Variants in OLFM3 observed in about 807,000 individuals in gnomAD.
OLFM3 encodes the protein noelin-3.
OLFM3 carries 20 observed loss-of-function variants against 48.6 expected under a neutral mutation model. That is an observed-to-expected ratio of 0.41 (90% CI 0.29 to 0.60). The LOEUF (loss-of-function observed/expected upper bound fraction) is 0.60. Among genes scored for constraint, OLFM3 ranks in the 20% least tolerant of loss-of-function variants. The probability of loss-of-function intolerance (pLI) is 0.28; values close to 1 mark genes in which losing one functional copy is unlikely to be tolerated. For missense variants in OLFM3, 437 were observed against 544.3 expected (o/e 0.80, Z 1.96); for synonymous variants, 222 against 198.1 (o/e 1.12, Z -1.01).
rs763815135 is a variant in OLFM3, at chr1:101,804,475, G to T, written c.1140C>A (p.Ile380=). 10 of 1,612,604 alleles carry T rather than the reference G, an allele frequency of 6.2e-6. No individual in the cohort carries two copies. The East Asian group carries it at 6.7e-5, about 11-fold the overall frequency. The part of the protein sequence containing the change: ...PKRSAGESFM[I]CGTLYVTNSH... ...AGTTGGTGACATACAGTGTCCCACA[G>T]ATCATGAAAGATTCCCCTGCACTTC... The change falls in exon 6 of 6, where the codon ATC becomes ATA. Residue 380 remains isoleucine, a synonymous_variant. Transcript: ENST00000370103. This position sits in a 1 kb window ranked among gnomAD's most constrained non-coding sequence, Gnocchi z 4.5.
intron 1 of OLFM3, among the ~76,000 whole-genome samples, chr1:101,947,540 G>A (rs1356235799): frequency 6.6e-6 from 1 of 152,114 alleles, no homozygotes; most frequent in Admixed American, 6.6e-5. Context: ...AGGCTGAGGA[G>A]GGAGGATTGG....
intron 1 of OLFM3, among the ~76,000 whole-genome samples, chr1:101,912,526 C>T (rs1480417681): frequency 1.3e-5 from 2 of 152,086 alleles, no homozygotes; most frequent in African/African-American, 2.4e-5. Context: ...CCAAAAGTCA[C>T]GCAATTTTTT....
At chr1:101,923,248 G>A (rs529365968) in intron 1 of OLFM3, among the ~76,000 whole-genome samples, 11 of 152,212 alleles carry the variant, frequency 7.2e-5, no homozygotes, top group Middle Eastern at 3.4e-3. Context: ...TATTCCTTCC[G>A]GTGTGACTAT....
At chr1:101,842,267 C>G (rs900764249) in intron 1 of OLFM3, among the ~76,000 whole-genome samples, 1 of 152,098 alleles carries the variant, frequency 6.6e-6, no homozygotes, top group Non-Finnish European at 1.5e-5. Flanking sequence ...GGTGCAGTGG[C>G]TCAGGTCTAT....
chr1:101,816,654 G>A (rs1484563177), intron 4 of OLFM3, among the ~76,000 whole-genome samples: 2 of 152,136 alleles, frequency 1.3e-5, no homozygotes, highest in Non-Finnish European at 2.9e-5. Flanking sequence ...ATTCTCTGGA[G>A]TGGAATTTCC....
At position 101,939,327 on chromosome 1, in the gene OLFM3, AG is replaced by A. The variant is rs746138988; in HGVS notation, c.69+57420del. On this transcript the variant is annotated intron_variant, in intron 1 of 5. Coordinates refer to ENST00000370103, the MANE Select transcript of OLFM3 (RefSeq NM_058170.4). Reference sequence around the variant, plus strand: ...TAAATGGCTAAACATAATTTATATCAGAATGGTATTTTGAAAGTGGCTTTTT... The same window carrying A: ...TAAATGGCTAAACATAATTTATATCAAATGGTATTTTGAAAGTGGCTTTTT... 3.3e-5 allele frequency among the ~76,000 whole-genome samples: 5 copies of A among 152,332 alleles called. 1 individual carries two copies. The Middle Eastern group carries it at 0.01, about 311-fold the overall frequency.
intron 1 of OLFM3, among the ~76,000 whole-genome samples, chr1:101,961,020 C>A (rs1026817687): frequency 2.0e-5 from 3 of 152,044 alleles, no homozygotes; most frequent in African/African-American, 7.2e-5. Flanking sequence ...GATTTAGAGA[C>A]TATGATGAGA....
chr1:101,994,852 C>A (rs1236906834), intron 1 of OLFM3, among the ~76,000 whole-genome samples: 2 of 151,846 alleles, frequency 1.3e-5, no homozygotes, highest in Non-Finnish European at 2.9e-5. Context: ...GTATGCCTTC[C>A]CTGGATTTTT....
chr1:101,967,824 T>C (rs550030482), intron 1 of OLFM3, among the ~76,000 whole-genome samples: 1 of 152,232 alleles, frequency 6.6e-6, no homozygotes, highest in East Asian at 1.9e-4. Context: ...TAACTTTTTT[T>C]CCTTTAGAGG....
At chr1:101,928,836 A>G (rs1659356930) in intron 1 of OLFM3, among the ~76,000 whole-genome samples, 1 of 152,114 alleles carries the variant, frequency 6.6e-6, no homozygotes, top group South Asian at 2.1e-4. Context: ...GAGATATTAA[A>G]TGTACTCAAA....
chr1:101,911,326 A>G (rs1478114515), intron 1 of OLFM3, among the ~76,000 whole-genome samples: 1 of 152,176 alleles, frequency 6.6e-6, no homozygotes, highest in East Asian at 1.9e-4. Context: ...TAAAATGGAG[A>G]GTCAATACCA....
chr1:101,928,008 A>G (rs1229136315), intron 1 of OLFM3, among the ~76,000 whole-genome samples: 1 of 152,096 alleles, frequency 6.6e-6, no homozygotes, highest in East Asian at 1.9e-4. Flanking sequence ...TATAAACCCC[A>G]TTAAGATAGG....
intron 1 of OLFM3, among the ~76,000 whole-genome samples, chr1:101,859,325 G>A (rs1048710552): frequency 6.6e-6 from 1 of 152,048 alleles, no homozygotes. Flanking sequence ...GGGAGTGGGC[G>A]AGGAGTGAGA....
chr1:101,915,374 A>G (rs1658889568), intron 1 of OLFM3, among the ~76,000 whole-genome samples: 1 of 151,804 alleles, frequency 6.6e-6, no homozygotes, highest in Non-Finnish European at 1.5e-5. Flanking sequence ...TAAAAAAAAA[A>G]GCATGTTTAA....
At chr1:101,833,500 C>T (rs1421298006) in intron 2 of OLFM3, among the ~76,000 whole-genome samples, 2 of 152,136 alleles carry the variant, frequency 1.3e-5, no homozygotes, top group African/African-American at 2.4e-5. Context: ...TGCTATGTTC[C>T]CTCTTTTTGT....
At chr1:101,932,567 C>G (rs1659476027) in intron 1 of OLFM3, among the ~76,000 whole-genome samples, 1 of 152,188 alleles carries the variant, frequency 6.6e-6, no homozygotes, top group African/African-American at 2.4e-5. Context: ...ACCCAGTCAA[C>G]TGAATCCACC....
At chr1:101,876,214 A>G (rs2100983400) in intron 1 of OLFM3, among the ~76,000 whole-genome samples, 1 of 151,902 alleles carries the variant, frequency 6.6e-6, no homozygotes, top group East Asian at 1.9e-4. Context: ...TCTTCCCACA[A>G]CTCTCTTCTT....
intron 1 of OLFM3, among the ~76,000 whole-genome samples, chr1:101,964,623 T>G (rs1473494041): frequency 6.6e-6 from 1 of 152,170 alleles, no homozygotes; most frequent in African/African-American, 2.4e-5. Flanking sequence ...AAAAAGAAAT[T>G]ATTGTTTAAA....
At chr1:101,992,545 T>C (rs1661441782) in intron 1 of OLFM3, among the ~76,000 whole-genome samples, 1 of 152,082 alleles carries the variant, frequency 6.6e-6, no homozygotes, top group African/African-American at 2.4e-5. Flanking sequence ...AGGATGTCTC[T>C]AGCGCACGAG....
Sources: allele counts gnomAD v4.1 joint callset (sites outside exome capture counted in the v4.1 genomes callset), GRCh38; gene constraint gnomAD v4.1.1; non-coding constraint Gnocchi (gnomAD v3.1); transcripts MANE v1.5; gene names NCBI Gene and HGNC (gene_info 2026-07-23, HGNC 2026-07-21).